RARB: variants seen among roughly 807,000 people sequenced by gnomAD.
RARB encodes the protein HBV-activated protein.
Under a neutral mutation model 51.9 loss-of-function variants are expected in RARB, and 17 were observed. The observed-to-expected ratio is 0.33, with a 90% confidence interval of 0.22 to 0.49. The LOEUF (loss-of-function observed/expected upper bound fraction) is 0.49. RARB is among the 20% of genes least tolerant of loss of function. RARB has a pLI of 0.99. For synonymous variants in RARB, 215 were observed against 195.4 expected (o/e 1.10, Z -0.84); for missense variants, 369 against 550.8 (o/e 0.67, Z 3.30).
chr3:24,954,968 C>T (rs908033082), intron 2 of RARB, among the ~76,000 whole-genome samples: 1 of 152,110 alleles, frequency 6.6e-6, no homozygotes, highest in African/African-American at 2.4e-5. Flanking sequence ...GCTCTTCTAG[C>T]AGTTGCTGTC....
chr3:25,437,134 T>TG, intron 1 of RARB, among the ~76,000 whole-genome samples: 1 of 146,386 alleles, frequency 6.8e-6, no homozygotes, highest in African/African-American at 2.5e-5. Flanking sequence ...TTTTTTTTTT[T>TG]GGTCATATCT....
intron 4 of RARB, among the ~76,000 whole-genome samples, chr3:25,159,438 C>G (rs1700440005): frequency 6.6e-6 from 1 of 151,478 alleles, no homozygotes; most frequent in Non-Finnish European, 1.5e-5. Context: ...CTCAGCCTCC[C>G]AAAGTGCTGG....
Position 25,596,942 on chromosome 3 carries a change from C to T in RARB, c.*326C>T. ...TTACCCCTGGTTAAGTTTCTGAAGACTTTGTACATACAGAAGTATGGCTCT... is the reference window on the plus strand; with the variant it reads ...TTACCCCTGGTTAAGTTTCTGAAGATTTTGTACATACAGAAGTATGGCTCT... On this transcript the variant is annotated 3_prime_UTR_variant, in exon 8 of 8. Coordinates refer to ENST00000330688, the MANE Select transcript of RARB (RefSeq NM_000965.5). 4.7e-6 allele frequency: 1 copy of T among 212,228 alleles called. No individual in the cohort carries two copies. Among genetic ancestry groups the T allele is most frequent in the East Asian group, 9.7e-5 (1 of 10,276 alleles). The allele number at this position is 212,228 out of a possible 1,614,324, so 13.1% of individuals were successfully genotyped here. A position where few individuals can be genotyped will look rare whatever the true frequency, so the allele number is the denominator to read the frequency against.
chr3:25,475,403 G>C (rs187849382), intron 2 of RARB, among the ~76,000 whole-genome samples: 10 of 148,844 alleles, frequency 6.7e-5, no homozygotes, highest in African/African-American at 1.6e-4. Context: ...AATAACAAAG[G>C]GGGGGGGATC....
At chr3:25,151,902 A>G (rs544038172) in intron 4 of RARB, among the ~76,000 whole-genome samples, 2 of 142,608 alleles carry the variant, frequency 1.4e-5, no homozygotes, top group Non-Finnish European at 3.1e-5. Context: ...TGTTTAATTA[A>G]ATCCCTTTTT....
chr3:24,919,698 C>T (rs187556230), intron 2 of RARB, among the ~76,000 whole-genome samples: 2 of 152,316 alleles, frequency 1.3e-5, no homozygotes, highest in East Asian at 3.9e-4. Flanking sequence ...GTTTAGGTAT[C>T]TTTTCTAAAA....
rs1261176798 is a variant in RARB, at chr3:25,034,114, A to G, written c.-379-26011A>G. Among the ~76,000 whole-genome samples, 3 of 152,192 alleles carry G rather than the reference A, an allele frequency of 2.0e-5. No homozygotes were observed. The East Asian group carries it at 5.8e-4, about 29-fold the overall frequency. ...GGAGTCAAGAATAGCTGTTTGGACCAGTCTGGCCAACATGGTGAAACCCCG... is the reference window on the plus strand; with the variant it reads ...GGAGTCAAGAATAGCTGTTTGGACCGGTCTGGCCAACATGGTGAAACCCCG... On this transcript the variant is annotated intron_variant, in intron 2 of 11. Coordinates refer to the RARB transcript ENST00000383772.
At chr3:24,985,261 T>G (rs1696762816) in intron 2 of RARB, among the ~76,000 whole-genome samples, 1 of 152,180 alleles carries the variant, frequency 6.6e-6, no homozygotes, top group South Asian at 2.1e-4. Flanking sequence ...GCATTGAGAT[T>G]GCACGCCAAC....
At chr3:25,058,648 T>C (rs2125302931) in intron 2 of RARB, among the ~76,000 whole-genome samples, 1 of 151,842 alleles carries the variant, frequency 6.6e-6, no homozygotes, top group African/African-American at 2.4e-5. Context: ...ATGAGTGGGG[T>C]AGATGATCTA....
At position 25,160,250 on chromosome 3, in the gene RARB, A is replaced by T. The variant is rs932390793; in HGVS notation, c.-279-13869A>T. Among the ~76,000 whole-genome samples, 15 of 152,354 alleles carry T rather than the reference A, an allele frequency of 9.8e-5. No homozygotes were observed. In the South Asian group the frequency reaches 1.0e-3, roughly 11 times the overall value. ...TGACCTTACATAATTTCCACATGGC[A>T]AAGTGGAGAAAGCGAAATAGCCAAA... On this transcript the variant is annotated intron_variant, in intron 4 of 11. Transcript: ENST00000383772.
intron 5 of RARB, among the ~76,000 whole-genome samples, chr3:25,401,165 G>C (rs1340270010): frequency 1.3e-5 from 2 of 152,018 alleles, no homozygotes; most frequent in African/African-American, 4.8e-5. Context: ...AAACATTCAG[G>C]CTCCTCTTGG....
At chr3:25,596,310 C>A in intron 7 of RARB, 110 bp from the exon 8 acceptor site, 1 of 873,034 alleles carries the variant, frequency 1.1e-6, no homozygotes, top group Non-Finnish European at 1.7e-6. Flanking sequence ...AATTCCTAAG[C>A]AAGAATCTTA....
intron 2 of RARB, among the ~76,000 whole-genome samples, chr3:24,970,491 T>C (rs1406852289): frequency 6.6e-6 from 1 of 151,710 alleles, no homozygotes; most frequent in Admixed American, 6.6e-5. Context: ...AATGGTGCAG[T>C]TAACTGGACT....
Position 25,567,754 on chromosome 3 carries a change from A to G in RARB, c.449-2004A>G, listed in dbSNP as rs542791124. Among the ~76,000 whole-genome samples the G allele has an allele frequency of 1.1e-4, 17 of 152,004 alleles. No homozygotes were observed. In the South Asian group the frequency reaches 2.1e-3, roughly 19 times the overall value. On this transcript the variant is annotated intron_variant, in intron 3 of 7. Coordinates refer to ENST00000330688, the MANE Select transcript of RARB (RefSeq NM_000965.5). ...TTCCTCGGGGCTCTGTTTCAGAAGGACCCTCCCTGCTTAGATTTGACTTTT... is the reference window on the plus strand; with the variant it reads ...TTCCTCGGGGCTCTGTTTCAGAAGGGCCCTCCCTGCTTAGATTTGACTTTT...
chr3:25,427,679 G>A (rs1708033789), upstream of RARB, among the ~76,000 whole-genome samples: 1 of 152,314 alleles, frequency 6.6e-6, no homozygotes, highest in African/African-American at 2.4e-5. Context: ...ATTCAGCCAG[G>A]GGCTTGCAAG....
At chr3:24,931,249 A>G (rs914160480) in intron 2 of RARB, among the ~76,000 whole-genome samples, 1 of 152,118 alleles carries the variant, frequency 6.6e-6, no homozygotes, top group African/African-American at 2.4e-5. Context: ...TGTTTTAAAT[A>G]TAAGTGTAGT....
intron 5 of RARB, among the ~76,000 whole-genome samples, chr3:25,405,756 T>C (rs1575377321): frequency 2.0e-5 from 3 of 152,356 alleles, no homozygotes; most frequent in East Asian, 3.9e-4. Context: ...GGCACAGATA[T>C]TTCCGTCATC....
chr3:25,123,530 T>A (rs1203547699), intron 3 of RARB, among the ~76,000 whole-genome samples: 1 of 152,218 alleles, frequency 6.6e-6, no homozygotes, highest in East Asian at 1.9e-4. Context: ...CCACTTGAAA[T>A]ATTCCCCTGT....
chr3:25,370,702 T>A (rs1350381597), intron 5 of RARB, among the ~76,000 whole-genome samples: 1 of 152,102 alleles, frequency 6.6e-6, no homozygotes, highest in Admixed American at 6.5e-5. Flanking sequence ...GAGCCTTGAG[T>A]GACAGCTGAA....
Sources: allele counts gnomAD v4.1 joint callset (sites outside exome capture counted in the v4.1 genomes callset), GRCh38; gene constraint gnomAD v4.1.1; transcripts MANE v1.5; gene names NCBI Gene and HGNC (gene_info 2026-07-23, HGNC 2026-07-21).